The following POLR2B variants were observed in gnomAD, a reference collection of about 807,000 sequenced individuals.
POLR2B encodes DNA-directed RNA polymerase II subunit RPB2.
Under a neutral mutation model 144.6 loss-of-function variants are expected in POLR2B, and 57 were observed. The observed-to-expected ratio is 0.39, with a 90% CI of 0.32 to 0.49. The LOEUF (loss-of-function observed/expected upper bound fraction) is 0.49. Ranked by LOEUF, POLR2B falls within the 20% of genes least tolerant of loss-of-function variation. The pLI, the probability that POLR2B is intolerant of heterozygous loss-of-function variation, is 0.83. For missense variants in POLR2B, 595 were observed against 1,467.4 expected (o/e 0.41, Z 9.71); for synonymous variants, 442 against 469.8 (o/e 0.94, Z 0.77).
intron 23 of POLR2B, among the ~76,000 whole-genome samples, chr4:57,026,966 G>A (rs1018223962): frequency 1.3e-5 from 2 of 151,992 alleles, no homozygotes; most frequent in Non-Finnish European, 2.9e-5. Context: ...AGTATATGAG[G>A]AAGTTCTAAT....
At chr4:56,995,490 TAGA>T in intron 6 of POLR2B, 81 bp downstream of exon 6, 2 of 1,002,234 alleles carry the variant, frequency 2.0e-6, no homozygotes, top group Admixed American at 2.2e-5. Context: ...TCTTTGTCCA[TAGA>T]AGCTTTTCTG....
rs1176314326 is a variant in POLR2B, at chr4:56,979,023, C to T, written c.19+19C>T. The T allele has an allele frequency of 6.2e-7, 1 of 1,611,876 alleles. No homozygotes were observed. ...GATGAGGGTAGGTGAACGCTCAAAA[C>T]ACACGCCGTGGCGGTCCATTTAAGC... On this transcript the variant is annotated intron_variant, in intron 1 of 24. Coordinates refer to ENST00000314595, the MANE Select transcript of POLR2B (RefSeq NM_000938.3).
intron 17 of POLR2B, among the ~76,000 whole-genome samples, chr4:57,021,951 G>C (rs1349989709): frequency 6.6e-6 from 1 of 152,106 alleles, no homozygotes; most frequent in African/African-American, 2.4e-5. Context: ...GGTGGTTAAG[G>C]TTATGGGTCA....
intron 9 of POLR2B, 52 bp from the exon 10 acceptor site, chr4:57,006,764 A>G: frequency 7.2e-7 from 1 of 1,385,704 alleles, no homozygotes; most frequent in Non-Finnish European, 1.0e-6. Context: ...CCTGTTGAGA[A>G]TATATGTTGT....
Position 57,017,482 on chromosome 4 carries a change from C to A in POLR2B, c.2155-78C>A. 8.3e-7 allele frequency: 1 copy of A among 1,197,932 alleles called. No individual in the cohort carries two copies. The highest frequency in any genetic ancestry group is 1.2e-6 in the Non-Finnish European group (1 of 855,848). 74.2% of individuals were successfully genotyped at this position (1,197,932 alleles called of 1,614,324 possible). A position where few individuals can be genotyped will look rare whatever the true frequency, so the allele number is the denominator to read the frequency against. The stretch of plus-strand genomic sequence containing the variant: ...ATCAGGAGTTTTACCAATCATATTT[C>A]TTTTGATTTATTGTCAGAGTCTTTT... On this transcript the variant is annotated intron_variant, in intron 15 of 24. Coordinates refer to ENST00000314595, the MANE Select transcript of POLR2B (RefSeq NM_000938.3). This position sits in a 1 kb window ranked among gnomAD's most constrained non-coding sequence, Gnocchi z 4.8.
At chr4:56,979,060 G>A in intron 1 of POLR2B, 56 bp downstream of exon 1, 1 of 1,574,198 alleles carries the variant, frequency 6.4e-7, no homozygotes, top group South Asian at 1.1e-5. Flanking sequence ...GGAAAGCGTT[G>A]GGAACTGATT....
At position 56,979,131 on chromosome 4, in the gene POLR2B, A is replaced by T. The variant is rs17087350; in HGVS notation, c.19+127A>T. ...GCACAGTCCCCAGCCTTGTTCCCAC[A>T]CTTACCAGGCCGGGAACGAAACTGG... On this transcript the variant is annotated intron_variant, in intron 1 of 24. Transcript: ENST00000314595. 1,548 of 991,304 alleles carry T rather than the reference A, an allele frequency of 1.6e-3. 18 individuals are homozygous for T. In the African/African-American group the frequency reaches 0.022, roughly 14 times the overall value. The allele number at this position is 991,304 out of a possible 1,614,324, so 61.4% of individuals were successfully genotyped here. A position where few individuals can be genotyped will look rare whatever the true frequency, so the allele number is the denominator to read the frequency against.
At chr4:56,993,946 C>CT (rs1480659026) in intron 3 of POLR2B, among the ~76,000 whole-genome samples, 1 of 152,160 alleles carries the variant, frequency 6.6e-6, no homozygotes, top group Non-Finnish European at 1.5e-5. Flanking sequence ...GCACAAGAAA[C>CT]TATGTAGATC....
chr4:57,005,331 G>C lies in POLR2B; in HGVS notation c.986G>C (p.Gly329Ala). The change falls in exon 8 of 25, where the codon GGT becomes GCT. Residue 329 changes from glycine to alanine, a missense_variant. Coordinates refer to ENST00000314595, the MANE Select transcript of POLR2B (RefSeq NM_000938.3). The part of the protein sequence containing the change: ...NFIGSRGAKP[G>A]VTKEKRIKYA... ...ATTGGTTCAAGAGGAGCAAAGCCTG[G>C]TGTTACTAAAGAGAAAAGAATTAAA... 1 of 1,609,100 alleles carries C rather than the reference G, an allele frequency of 6.2e-7. No homozygotes were observed. The highest frequency in any genetic ancestry group is 8.5e-7 in the Non-Finnish European group (1 of 1,177,712).
chr4:57,030,821 C>G, intron 24 of POLR2B, 78 bp from the exon 25 acceptor site: 1 of 806,736 alleles, frequency 1.2e-6, no homozygotes, highest in East Asian at 2.4e-5. Flanking sequence ...AGTACCAGAT[C>G]TTTGTCTTTT....
chr4:56,985,296 G>A lies in POLR2B; in HGVS notation c.20-1058G>A, dbSNP rs573124790. 123 of 983,414 alleles carry A rather than the reference G, an allele frequency of 1.3e-4. No homozygotes were observed. In the African/African-American group the frequency reaches 2.0e-3, roughly 16 times the overall value. The allele number at this position is 983,414 out of a possible 1,614,324, so 60.9% of individuals were successfully genotyped here. ...GTGGCCCAGGCTGGAGTGCAGTGGC[G>A]CGATCTCAGCTCCTGCGAGGAGGCG... On this transcript the variant is annotated intron_variant, in intron 1 of 24. Transcript: ENST00000314595.
At chr4:57,011,691 C>T (rs548582753) in intron 13 of POLR2B, among the ~76,000 whole-genome samples, 4 of 152,108 alleles carry the variant, frequency 2.6e-5, no homozygotes, top group African/African-American at 9.6e-5. Flanking sequence ...GGCGTGGTGG[C>T]GCGCGCCTGT....
intron 8 of POLR2B, 58 bp from the exon 9 acceptor site, chr4:57,005,542 A>G: frequency 6.5e-7 from 1 of 1,540,422 alleles, no homozygotes; most frequent in Non-Finnish European, 8.7e-7. Context: ...ATAAATCAAA[A>G]AAAAGTCCAA....
chr4:57,008,712 G>C (rs887501678), intron 10 of POLR2B, among the ~76,000 whole-genome samples: 2 of 152,228 alleles, frequency 1.3e-5, no homozygotes, highest in Non-Finnish European at 2.9e-5. Flanking sequence ...AGCCTGAGAA[G>C]GTGAAAAGAA....
chr4:56,996,643 A>G (rs1442021703), intron 6 of POLR2B, among the ~76,000 whole-genome samples: 1 of 152,088 alleles, frequency 6.6e-6, no homozygotes, highest in Non-Finnish European at 1.5e-5. Flanking sequence ...TGATACGTGT[A>G]TACAATGTGT....
Position 57,023,242 on chromosome 4 carries a change from C to A in POLR2B, c.2516-88C>A. 7.8e-7 allele frequency: 1 copy of A among 1,277,686 alleles called. No homozygotes were observed. Among genetic ancestry groups the A allele is most frequent in the Non-Finnish European group, 1.1e-6 (1 of 897,648 alleles). The allele number at this position is 1,277,686 out of a possible 1,614,324, so 79.1% of individuals were successfully genotyped here. On this transcript the variant is annotated intron_variant, in intron 18 of 24. Coordinates refer to ENST00000314595, the MANE Select transcript of POLR2B (RefSeq NM_000938.3). This position sits in a 1 kb window ranked among gnomAD's most constrained non-coding sequence, Gnocchi z 4.3. The stretch of plus-strand genomic sequence containing the variant: ...ATTCATGGTATAGAGACTCCTGTGG[C>A]CTTCTCTCTGACTTGGAACTGATTC...
chr4:57,022,295 T>G (rs764351073), intron 18 of POLR2B, 49 bp downstream of exon 18: 15 of 1,228,142 alleles, frequency 1.2e-5, no homozygotes, highest in Non-Finnish European at 1.7e-5. Context: ...TAACTTACTG[T>G]GGTTTTCCTA....
chr4:56,989,454 C>T (rs1280170886), intron 2 of POLR2B, among the ~76,000 whole-genome samples: 1 of 152,194 alleles, frequency 6.6e-6, no homozygotes, highest in Non-Finnish European at 1.5e-5. Context: ...GTGTTTTCTA[C>T]CATAGGACCT....
chr4:57,020,633 G>A (rs1723512251), intron 16 of POLR2B, among the ~76,000 whole-genome samples: 2 of 152,138 alleles, frequency 1.3e-5, no homozygotes, highest in African/African-American at 4.8e-5. Context: ...TCCTAAGTAG[G>A]AGGTGACTCA....
Sources: allele counts gnomAD v4.1 joint callset (sites outside exome capture counted in the v4.1 genomes callset), GRCh38; gene constraint gnomAD v4.1.1; non-coding constraint Gnocchi (gnomAD v3.1); transcripts MANE v1.5; gene names NCBI Gene and HGNC (gene_info 2026-07-23, HGNC 2026-07-21).